ARL5B: variants seen among roughly 807,000 people sequenced by gnomAD.
ARL5B encodes the protein ARF like GTPase 5B.
Under a neutral mutation model 26.9 loss-of-function variants are expected in ARL5B, and 10 were observed. That is an observed-to-expected ratio of 0.37 (90% confidence interval 0.23 to 0.63). The LOEUF (loss-of-function observed/expected upper bound fraction) is 0.63, where lower values mean the gene tolerates loss of function less well. Among genes scored for constraint, ARL5B ranks in the 30% least tolerant of loss-of-function variants. ARL5B has a pLI of 0.62. For synonymous variants in ARL5B, 87 were observed against 70.4 expected (o/e 1.24, Z -1.18); for missense variants, 167 against 213.9 (o/e 0.78, Z 1.37).
In ARL5B at chr10:18,673,181, C is replaced by T. The variant is rs561579326; in HGVS notation, c.339+476C>T. Among the ~76,000 whole-genome samples the T allele has an allele frequency of 3.7e-4, 56 of 152,158 alleles. 1 individual carries two copies. In the South Asian group the frequency reaches 0.01, roughly 28 times the overall value. On this transcript the variant is annotated intron_variant, in intron 4 of 5. Coordinates refer to ENST00000377275, the MANE Select transcript of ARL5B (RefSeq NM_178815.5). ...GGGTTCAAGCAGTTCTCTGCCTCAG[C>T]CTCCCGAGTAGCTGGGATTACAGGA...
intron 1 of ARL5B, 196 bp downstream of exon 1, chr10:18,659,879 AGG>A: frequency 1.0e-6 from 1 of 985,320 alleles, no homozygotes; most frequent in Non-Finnish European, 1.2e-6. Flanking sequence ...AGAAATAGGG[AGG>A]CAGAAGAGAA....
chr10:18,674,623 A>G (rs1018188285), intron 5 of ARL5B, among the ~76,000 whole-genome samples: 12 of 152,212 alleles, frequency 7.9e-5, no homozygotes, highest in Non-Finnish European at 1.6e-4. Flanking sequence ...TCCATCTCTA[A>G]CAATTTGAAT....
intron 1 of ARL5B, among the ~76,000 whole-genome samples, chr10:18,661,930 G>C (rs12762752): frequency 0.2 from 30,306 of 152,048 alleles, 3,285 homozygotes; most frequent in South Asian, 0.31. Context: ...AGATGAGATT[G>C]GAAAGACAAC....
rs1377490956 is a variant in ARL5B at position 18,659,483 on chromosome 10, G to C, written c.-155G>C. On this transcript the variant is annotated 5_prime_UTR_variant, in exon 1 of 6. Transcript: ENST00000377275. ...GTGGGGATTCGTCGCGGCGCCTTCTGAGTGGTCGGGTCGAGGCTTCTCGGC... is the reference window on the plus strand; with the variant it reads ...GTGGGGATTCGTCGCGGCGCCTTCTCAGTGGTCGGGTCGAGGCTTCTCGGC... 6 of 970,392 alleles carry C rather than the reference G, an allele frequency of 6.2e-6. No homozygotes were observed. Among genetic ancestry groups the C allele is most frequent in the East Asian group, 2.9e-5 (1 of 34,416 alleles). The allele number at this position is 970,392 out of a possible 1,614,324, so 60.1% of individuals were successfully genotyped here.
chr10:18,666,680 C>T (rs199780523), intron 2 of ARL5B, 45 bp downstream of exon 2: 3 of 1,468,856 alleles, frequency 2.0e-6, no homozygotes, highest in Admixed American at 3.8e-5. Flanking sequence ...GTTATTGAAA[C>T]TAATGTGTTT....
intron 2 of ARL5B, among the ~76,000 whole-genome samples, chr10:18,666,966 C>G (rs193020297): frequency 6.6e-6 from 1 of 152,140 alleles, no homozygotes; most frequent in Non-Finnish European, 1.5e-5. Flanking sequence ...AAATTGATAG[C>G]TCTAGGAAGC....
intron 1 of ARL5B, chr10:18,659,972 AGGCGTATGGAG>A (rs1297110366): frequency 3.1e-6 from 3 of 978,288 alleles, no homozygotes; most frequent in African/African-American, 3.5e-5. Context: ...TGATGCCAGG[AGGCGTATGGAG>A]GGCCTTTCTC....
chr10:18,672,687 C>T lies in ARL5B; in HGVS notation c.321C>T (p.Tyr107=). Residue 107 remains tyrosine, a synonymous_variant, in exon 4 of 6, where the codon TAC becomes TAT. Transcript: ENST00000377275. ...ERLAITKEEL[Y]RMLAHEDLRK... The stretch of plus-strand genomic sequence containing the variant: ...TAGCTATTACAAAAGAAGAATTATA[C>T]AGAATGTTGGCTCATGAGGTAAATT... 6.2e-7 allele frequency: 1 copy of T among 1,609,078 alleles called. No homozygotes were observed. Among genetic ancestry groups the T allele is most frequent in the Admixed American group, 1.7e-5 (1 of 59,724 alleles).
At chr10:18,659,755 G>T in intron 1 of ARL5B, 72 bp downstream of exon 1, 1 of 1,583,742 alleles carries the variant, frequency 6.3e-7, no homozygotes, top group Admixed American at 1.8e-5. Flanking sequence ...GGACACCGGA[G>T]ACAGGGGACA....
intron 3 of ARL5B, 93 bp downstream of exon 3, chr10:18,668,770 C>CTTTTT: frequency 1.1e-5 from 10 of 904,364 alleles, no homozygotes; most frequent in South Asian, 2.1e-5. Context: ...TGACAGTTGC[C>CTTTTT]TTTTTTTTTT....
chr10:18,679,959 A>G lies in ARL5B; in HGVS notation c.*4743A>G, dbSNP rs1428593859. ...AATGTGGCCAAAGGAGTGAAGACTG[A>G]TTAGGGTTTTAGAATTTGGAACTGT... On this transcript the variant is annotated 3_prime_UTR_variant, in exon 6 of 6. Coordinates refer to ENST00000377275, the MANE Select transcript of ARL5B (RefSeq NM_178815.5). 6.6e-6 allele frequency: 1 copy of G among 151,956 alleles called. No individual in the cohort carries two copies. The highest frequency in any genetic ancestry group is 1.5e-5 in the Non-Finnish European group (1 of 67,866). 9.4% of individuals were successfully genotyped at this position (151,956 alleles called of 1,614,324 possible).
At chr10:18,669,728 C>CA (rs1232907258) in intron 3 of ARL5B, among the ~76,000 whole-genome samples, 3 of 151,984 alleles carry the variant, frequency 2.0e-5, no homozygotes, top group African/African-American at 7.2e-5. Context: ...CACGGTGGCT[C>CA]ACGCCTGTAA....
chr10:18,665,372 G>A (rs984081084), intron 1 of ARL5B, among the ~76,000 whole-genome samples: 1 of 152,072 alleles, frequency 6.6e-6, no homozygotes, highest in Non-Finnish European at 1.5e-5. Flanking sequence ...TACTAAGCAG[G>A]CAAGTTTTGT....
chr10:18,670,631 A>C (rs949328542), intron 3 of ARL5B, among the ~76,000 whole-genome samples: 3 of 152,164 alleles, frequency 2.0e-5, no homozygotes, highest in African/African-American at 7.2e-5. Flanking sequence ...AAAAGAAAGT[A>C]AGGGACAAAT....
At chr10:18,661,990 C>G (rs2059839048) in intron 1 of ARL5B, among the ~76,000 whole-genome samples, 1 of 152,182 alleles carries the variant, frequency 6.6e-6, no homozygotes, top group South Asian at 2.1e-4. Flanking sequence ...AGACATTAAA[C>G]TCTCTAGAGC....
chr10:18,678,101 A>C lies in ARL5B; in HGVS notation c.*2885A>C, dbSNP rs1178539652. 6.6e-6 allele frequency: 1 copy of C among 151,780 alleles called. No homozygotes were observed. Among genetic ancestry groups the C allele is most frequent in the Non-Finnish European group, 1.5e-5 (1 of 67,734 alleles). 9.4% of individuals were successfully genotyped at this position (151,780 alleles called of 1,614,324 possible). ...ACTCTTAGAATTAATAGAACCTTTT[A>C]TAAGGGAATATATGGAATATTTTTT... On this transcript the variant is annotated 3_prime_UTR_variant, in exon 6 of 6. Transcript: ENST00000377275.
intron 4 of ARL5B, 25 bp from the exon 5 acceptor site, chr10:18,673,959 T>G: frequency 6.3e-7 from 1 of 1,575,598 alleles, no homozygotes. Flanking sequence ...TTTCACATAT[T>G]AGAAATATTT....
chr10:18,664,342 C>T (rs2131638980), intron 1 of ARL5B, among the ~76,000 whole-genome samples: 1 of 151,964 alleles, frequency 6.6e-6, no homozygotes, highest in South Asian at 2.1e-4. Context: ...TCTCCTTGGC[C>T]TCCCAAAGTG....
chr10:18,673,640 G>C (rs1276325717), intron 4 of ARL5B, among the ~76,000 whole-genome samples: 1 of 151,940 alleles, frequency 6.6e-6, no homozygotes, highest in East Asian at 1.9e-4. Context: ...GTATTGCCCA[G>C]CTCCCACCAC....
Sources: allele counts gnomAD v4.1 joint callset (sites outside exome capture counted in the v4.1 genomes callset), GRCh38; gene constraint gnomAD v4.1.1; transcripts MANE v1.5; gene names NCBI Gene and HGNC (gene_info 2026-07-23, HGNC 2026-07-21).